The following GARRE1 variants were observed in gnomAD, a reference collection of about 807,000 sequenced individuals.
GARRE1 encodes granule associated Rac and RHOG effector 1.
GARRE1 carries 49 observed loss-of-function variants against 103.2 expected under a neutral mutation model. The ratio of observed to expected loss-of-function variants is 0.47; its 90% CI spans 0.38 to 0.60. The LOEUF is 0.60. GARRE1 is among the 20% of genes least tolerant of loss of function. GARRE1 has a pLI of 0.00. For missense variants in GARRE1, 1,199 were observed against 1,370.5 expected, an observed-to-expected ratio of 0.87 and a Z score of 1.98; for synonymous variants, 505 against 532.8, an observed-to-expected ratio of 0.95 and a Z score of 0.72.
intron 1 of GARRE1, among the ~76,000 whole-genome samples, chr19:34,260,979 ACT>A (rs1263524529): frequency 2.6e-5 from 4 of 151,878 alleles, no homozygotes; most frequent in Non-Finnish European, 2.9e-5. Flanking sequence ...TGTGTGTAGC[ACT>A]CTCTGGGGGC....
intron 1 of GARRE1, among the ~76,000 whole-genome samples, chr19:34,266,069 C>T (rs766007666): frequency 2.0e-5 from 3 of 152,210 alleles, no homozygotes; most frequent in Non-Finnish European, 4.4e-5. Context: ...ACGGTAAGCT[C>T]CTTGAGAGCA....
chr19:34,335,835 T>C (rs2074158785), intron 8 of GARRE1, among the ~76,000 whole-genome samples: 1 of 152,158 alleles, frequency 6.6e-6, no homozygotes, highest in Non-Finnish European at 1.5e-5. Context: ...TCATTTGTTC[T>C]TGAAATGTAA....
Position 34,352,848 on chromosome 19 carries a change from A to AGGCCCC in GARRE1, c.3106_3107insGGCCCC (p.Thr1036delinsArgProPro). 8 of 1,591,616 alleles carry AGGCCCC rather than the reference A, an allele frequency of 5.0e-6. No individual in the cohort carries two copies. Among genetic ancestry groups the AGGCCCC allele is most frequent in the Non-Finnish European group, 6.9e-6 (8 of 1,166,600 alleles). ...TGCCGCTGCCTTCTCCTATGTGCAG[A>AGGCCCC]CCCCACCCCAGCCCCCACCCCCACC... On this transcript the variant is annotated protein_altering_variant, in exon 14 of 14. Coordinates refer to ENST00000299505, the MANE Select transcript of GARRE1 (RefSeq NM_014686.5).
intron 2 of GARRE1, among the ~76,000 whole-genome samples, chr19:34,304,096 ATTT>A (rs59980177): frequency 1.4e-5 from 2 of 147,896 alleles, no homozygotes; most frequent in Admixed American, 6.7e-5. Context: ...TATCTTTGTA[ATTT>A]TTTTTTTTTT....
chr19:34,263,299 GATAT>G (rs1473699690), intron 1 of GARRE1, among the ~76,000 whole-genome samples: 7 of 151,096 alleles, frequency 4.6e-5, no homozygotes, highest in Admixed American at 4.6e-4. Flanking sequence ...TAGATAGATA[GATAT>G]ACATGAAATA....
intron 3 of GARRE1, among the ~76,000 whole-genome samples, chr19:34,327,129 A>G (rs1439955613): frequency 3.3e-5 from 5 of 151,956 alleles, no homozygotes; most frequent in Non-Finnish European, 7.4e-5. Flanking sequence ...CACTCCAGCC[A>G]GGGTGACAGA....
rs75710287 is a variant in GARRE1, at chr19:34,325,421, A to T, written c.706-2000A>T. ...TCTCCACTCACCTGTTCCTCCCTAG[A>T]CCCTCTCTATGCTAGTGAGTGGTGC... is the stretch of plus-strand genomic sequence containing the variant. On this transcript the variant is annotated intron_variant, in intron 3 of 13. Transcript: ENST00000299505. 1.8e-3 allele frequency among the ~76,000 whole-genome samples: 276 copies of T among 151,980 alleles called. 5 individuals are homozygous for T. The East Asian group carries it at 0.041, about 22-fold the overall frequency.
chr19:34,321,223 ATTTTTTTTTTTTTT>A (rs71165648), intron 3 of GARRE1, among the ~76,000 whole-genome samples: 5 of 77,384 alleles, frequency 6.5e-5, no homozygotes, highest in Non-Finnish European at 1.1e-4. Context: ...AGCCCGGCTA[ATTTTTTTTTTTTTT>A]TTTTTTTTTT....
intron 1 of GARRE1, among the ~76,000 whole-genome samples, chr19:34,263,883 CTG>C (rs1476663772): frequency 6.6e-6 from 1 of 152,166 alleles, no homozygotes; most frequent in African/African-American, 2.4e-5. Flanking sequence ...AGAGTGAGGA[CTG>C]TGCAAGGCGG....
chr19:34,330,005 A>C (rs372267826), intron 6 of GARRE1, among the ~76,000 whole-genome samples, 184 bp from the exon 7 acceptor site: 23 of 152,294 alleles, frequency 1.5e-4, no homozygotes, highest in African/African-American at 5.5e-4. Flanking sequence ...GAATCACATA[A>C]GCCTGAGGGG....
Position 34,350,610 on chromosome 19 carries a change from C to T in GARRE1, c.2826-904C>T, listed in dbSNP as rs2074231557. On this transcript the variant is annotated intron_variant, in intron 12 of 13. Transcript: ENST00000299505. The stretch of plus-strand genomic sequence containing the variant: ...TTTTTTTGTTTTTTTGAGACGGAGT[C>T]TCGCTCTGTTGCCCAGGCTGGAGTG... Among the ~76,000 whole-genome samples, 6 of 152,256 alleles carry T rather than the reference C, an allele frequency of 3.9e-5. No homozygotes were observed. The South Asian group carries it at 1.2e-3, about 32-fold the overall frequency.
chr19:34,304,968 A>AT (rs2074000923), intron 2 of GARRE1, among the ~76,000 whole-genome samples: 1 of 151,332 alleles, frequency 6.6e-6, no homozygotes, highest in Non-Finnish European at 1.5e-5. Flanking sequence ...ATTTTTTTGT[A>AT]TTTTTAGTAG....
intron 3 of GARRE1, among the ~76,000 whole-genome samples, chr19:34,321,227 T>A (rs1184393908): frequency 2.9e-5 from 3 of 105,100 alleles, no homozygotes; most frequent in African/African-American, 5.1e-5. Flanking sequence ...CGGCTAATTT[T>A]TTTTTTTTTT....
intron 1 of GARRE1, among the ~76,000 whole-genome samples, chr19:34,274,126 C>G (rs1489205876): frequency 6.6e-6 from 1 of 151,376 alleles, no homozygotes; most frequent in African/African-American, 2.4e-5. Context: ...CAGGAAGGGG[C>G]CGGGCATGGT....
chr19:34,258,776 TAA>T (rs1294527126), intron 1 of GARRE1, among the ~76,000 whole-genome samples: 4 of 141,704 alleles, frequency 2.8e-5, no homozygotes, highest in Non-Finnish European at 4.6e-5. Flanking sequence ...GGCGACAGAG[TAA>T]GACTCCGTCT....
At chr19:34,331,687 C>T (rs554467694) in intron 7 of GARRE1, among the ~76,000 whole-genome samples, 83 of 152,168 alleles carry the variant, frequency 5.5e-4, no homozygotes, top group Non-Finnish European at 8.4e-4. Flanking sequence ...TTCTAGTAAA[C>T]GACTACTTTT....
intron 1 of GARRE1, among the ~76,000 whole-genome samples, chr19:34,286,236 T>C (rs909755135): frequency 1.3e-5 from 2 of 151,216 alleles, no homozygotes; most frequent in Non-Finnish European, 3.0e-5. Flanking sequence ...TTATTATTTT[T>C]TGAGACGGAG....
chr19:34,255,997 C>T (rs2073670112), intron 1 of GARRE1, among the ~76,000 whole-genome samples: 1 of 151,688 alleles, frequency 6.6e-6, no homozygotes, highest in Non-Finnish European at 1.5e-5. Flanking sequence ...ACCCACCACG[C>T]CCGGCTAATT....
At chr19:34,296,379 T>G in intron 1 of GARRE1, 2 of 1,443,392 alleles carry the variant, frequency 1.4e-6, no homozygotes, top group Admixed American at 3.4e-5. Context: ...GGCCTTGGCC[T>G]TTAGCCGGCA....
Sources: allele counts gnomAD v4.1 joint callset (sites outside exome capture counted in the v4.1 genomes callset), GRCh38; gene constraint gnomAD v4.1.1; transcripts MANE v1.5; gene names NCBI Gene and HGNC (gene_info 2026-07-23, HGNC 2026-07-21).